HHAT: variants seen among roughly 807,000 people sequenced by gnomAD.
HHAT encodes hedgehog acyltransferase.
Under a neutral mutation model 70.8 loss-of-function variants are expected in HHAT, and 47 were observed. The observed-to-expected ratio is 0.66, with a 90% CI of 0.53 to 0.85. The LOEUF is 0.85. Among genes scored for constraint, HHAT ranks in the 40% least tolerant of loss-of-function variants. HHAT has a pLI of 0.00. For missense variants in HHAT, 609 were observed against 604.8 expected (o/e 1.01, Z -0.07); for synonymous variants, 228 against 247.6 (o/e 0.92, Z 0.74).
At chr1:210,497,713 A>C (rs2094676100) in intron 8 of HHAT, among the ~76,000 whole-genome samples, 1 of 151,130 alleles carries the variant, frequency 6.6e-6, no homozygotes, top group African/African-American at 2.4e-5. Context: ...AGGTCTGTAG[A>C]GGCCCATTTG....
intron 9 of HHAT, among the ~76,000 whole-genome samples, chr1:210,535,780 T>C (rs2095365888): frequency 6.6e-6 from 1 of 152,114 alleles, no homozygotes; most frequent in African/African-American, 2.4e-5. Flanking sequence ...ACTCTGTGAA[T>C]AGCACATCAA....
At chr1:210,610,282 G>A (rs776356691) in intron 10 of HHAT, among the ~76,000 whole-genome samples, 4 of 152,202 alleles carry the variant, frequency 2.6e-5, no homozygotes, top group Non-Finnish European at 5.9e-5. Flanking sequence ...GTGATGTTGA[G>A]CTTTTTAAAA....
At chr1:210,642,600 AAAGTTT>A (rs1306260333) in intron 11 of HHAT, among the ~76,000 whole-genome samples, 1 of 152,190 alleles carries the variant, frequency 6.6e-6, no homozygotes, top group Non-Finnish European at 1.5e-5. Flanking sequence ...CTTGATGACT[AAAGTTT>A]AAGTATCTTT....
intron 9 of HHAT, among the ~76,000 whole-genome samples, chr1:210,566,032 G>A (rs1023275255): frequency 1.3e-5 from 2 of 152,134 alleles, no homozygotes; most frequent in African/African-American, 4.8e-5. Context: ...TACCAGATTT[G>A]AGTAGAAATG....
At chr1:210,565,192 C>G (rs1412977105) in intron 9 of HHAT, among the ~76,000 whole-genome samples, 2 of 152,068 alleles carry the variant, frequency 1.3e-5, no homozygotes, top group African/African-American at 4.8e-5. Context: ...CGTGAATGGA[C>G]ATGTGCCGAT....
At chr1:210,449,959 G>T (rs2093715366) in intron 7 of HHAT, among the ~76,000 whole-genome samples, 1 of 152,088 alleles carries the variant, frequency 6.6e-6, no homozygotes, top group Non-Finnish European at 1.5e-5. Flanking sequence ...TCTGGAATTC[G>T]GGGGAAATAT....
intron 8 of HHAT, among the ~76,000 whole-genome samples, chr1:210,470,237 C>T (rs563282491): frequency 6.6e-6 from 1 of 152,246 alleles, no homozygotes; most frequent in South Asian, 2.1e-4. Context: ...AGGTGAGTGA[C>T]AAAAGGTGAA....
intron 3 of HHAT, among the ~76,000 whole-genome samples, chr1:210,385,231 T>G (rs1402588931): frequency 6.7e-6 from 1 of 150,150 alleles, no homozygotes; most frequent in South Asian, 2.1e-4. Context: ...AATGTTGTAT[T>G]TAAAAAGCTC....
rs144706189 is a variant in HHAT, at chr1:210,342,410, G to C, written c.-43-6523G>C. ...AGTTCCGACCAGTATTCCCACACTG[G>C]GGAAGTGTTCTTAGACACATCTCAC... On this transcript the variant is annotated intron_variant, in intron 1 of 11. Coordinates refer to ENST00000261458, the MANE Select transcript of HHAT (RefSeq NM_018194.6). 1.5e-3 allele frequency among the ~76,000 whole-genome samples: 231 copies of C among 152,230 alleles called. 1 individual carries two copies. Among genetic ancestry groups the C allele is most frequent in the African/African-American group, 5.3e-3 (219 of 41,540 alleles).
At chr1:210,353,641 T>A (rs998692770) in intron 2 of HHAT, among the ~76,000 whole-genome samples, 2 of 152,042 alleles carry the variant, frequency 1.3e-5, no homozygotes, top group Non-Finnish European at 2.9e-5. Flanking sequence ...ACTTAAAAAT[T>A]TTTTGGTGTT....
Position 210,386,230 on chromosome 1 carries a change from C to CTTTTTTTTTTTT in HHAT, c.160-1223_160-1212dup, listed in dbSNP as rs869305965. 1.2e-3 allele frequency among the ~76,000 whole-genome samples: 87 copies of CTTTTTTTTTTTT among 69,922 alleles called. 5 individuals carry two copies. The highest frequency in any genetic ancestry group is 5.1e-3 in the African/African-American group (82 of 16,044). The allele number at this position is 69,922 out of a possible 152,430, so 45.9% of individuals were successfully genotyped here. On this transcript the variant is annotated intron_variant, in intron 3 of 11. Transcript: ENST00000261458. ...ATTGCAGGAGTCCTTTTCTTTTTTT[C>CTTTTTTTTTTTT]TTTTTTTTTTTTTTTTTTTTTTTTT...
At chr1:210,404,812 A>C in intron 6 of HHAT, 133 bp downstream of exon 6, 1 of 646,142 alleles carries the variant, frequency 1.5e-6, no homozygotes, top group Non-Finnish European at 2.6e-6. Context: ...ATTAGTTCTC[A>C]TGAGGTTTTT....
intron 3 of HHAT, among the ~76,000 whole-genome samples, chr1:210,364,848 A>G (rs2088743877): frequency 6.6e-6 from 1 of 152,180 alleles, no homozygotes; most frequent in South Asian, 2.1e-4. Flanking sequence ...CCTTCACAGA[A>G]AAGTCCACGT....
intron 1 of HHAT, among the ~76,000 whole-genome samples, chr1:210,340,279 G>T (rs1199972719): frequency 1.4e-5 from 2 of 146,642 alleles, no homozygotes; most frequent in African/African-American, 5.0e-5. Context: ...GACTCAAGTG[G>T]GGTTTGGAGA....
At chr1:210,582,198 C>T (rs961501594) in intron 9 of HHAT, among the ~76,000 whole-genome samples, 6 of 152,178 alleles carry the variant, frequency 3.9e-5, no homozygotes, top group Admixed American at 2.0e-4. Flanking sequence ...AATGGTATGA[C>T]CAAAGGCACG....
chr1:210,658,862 A>G (rs1253861530), intron 11 of HHAT, among the ~76,000 whole-genome samples: 1 of 152,254 alleles, frequency 6.6e-6, no homozygotes, highest in African/African-American at 2.4e-5. Flanking sequence ...AAATGAAGGC[A>G]GAAGCAAAGA....
intron 9 of HHAT, among the ~76,000 whole-genome samples, chr1:210,546,567 A>G (rs1293105666): frequency 1.3e-5 from 2 of 152,120 alleles, no homozygotes; most frequent in Non-Finnish European, 2.9e-5. Context: ...GGTTGTGGAG[A>G]GGCCAGGAAG....
At chr1:210,338,858 A>C (rs948261141) in intron 1 of HHAT, among the ~76,000 whole-genome samples, 1 of 152,178 alleles carries the variant, frequency 6.6e-6, no homozygotes, top group Middle Eastern at 3.2e-3. Context: ...TATTTTTTAG[A>C]AATACGGGGT....
At chr1:210,539,762 G>T (rs1237982536) in intron 9 of HHAT, among the ~76,000 whole-genome samples, 2 of 152,064 alleles carry the variant, frequency 1.3e-5, no homozygotes, top group Admixed American at 6.5e-5. Flanking sequence ...ACAGAGACAG[G>T]GCAGCTGTTT....
Sources: gnomAD v4.1 joint callset for allele counts (sites outside exome capture counted in the v4.1 genomes callset) on GRCh38, gnomAD v4.1.1 for gene constraint, MANE v1.5 for transcripts, NCBI Gene and HGNC (gene_info 2026-07-23, HGNC 2026-07-21) for gene names.